The following MAST4 variants were observed in gnomAD, a reference collection of about 807,000 sequenced individuals.
The protein encoded by MAST4 is microtubule associated serine/threonine kinase family member 4.
MAST4 carries 89 observed loss-of-function variants against 162.7 expected under a neutral mutation model. The ratio of observed to expected loss-of-function variants is 0.55; its 90% confidence interval spans 0.46 to 0.65. MAST4 has a LOEUF of 0.65. MAST4 is among the 30% of genes least tolerant of loss of function. MAST4 has a pLI of 0.00. For synonymous variants in MAST4, 1,479 were observed against 1,361.1 expected, an observed-to-expected ratio of 1.09 and a Z score of -1.91; for missense variants, 3,153 against 3,374.0, an observed-to-expected ratio of 0.93 and a Z score of 1.62.
Position 67,102,749 on chromosome 5 carries a change from A to G in MAST4, c.1146+138A>G, listed in dbSNP as rs1765166101. On this transcript the variant is annotated intron_variant, in intron 9 of 28. Transcript: ENST00000403625. ...CATAAAACAGCTCCATAGTCTTCTT[A>G]GAAAGAGAAAATAACTAAAAAAAAA... 4.4e-6 allele frequency: 3 copies of G among 688,422 alleles called. No homozygotes were observed. In the South Asian group the frequency reaches 5.4e-5, roughly 12 times the overall value. 42.6% of individuals were successfully genotyped at this position (688,422 alleles called of 1,614,324 possible). A position where few individuals can be genotyped will look rare whatever the true frequency, so the allele number is the denominator to read the frequency against.
intron 3 of MAST4, among the ~76,000 whole-genome samples, chr5:66,824,704 G>T (rs1373328501): frequency 6.6e-6 from 1 of 152,226 alleles, no homozygotes; most frequent in East Asian, 1.9e-4. Context: ...TTTCATTGTT[G>T]TGTGAACATC....
chr5:66,912,760 A>G (rs1273577798), intron 4 of MAST4, among the ~76,000 whole-genome samples: 4 of 152,074 alleles, frequency 2.6e-5, no homozygotes, highest in Non-Finnish European at 4.4e-5. Flanking sequence ...TTGCTGAAAG[A>G]TGTTGGTTGG....
intron 3 of MAST4, among the ~76,000 whole-genome samples, chr5:66,880,109 GACTGAGGGCTTTGC>G (rs1761594787): frequency 6.6e-6 from 1 of 152,196 alleles, no homozygotes; most frequent in South Asian, 2.1e-4. Flanking sequence ...CTATGTAAAA[GACTGAGGGCTTTGC>G]ACTGATATAA....
At chr5:66,821,435 T>C (rs1756990908) in intron 3 of MAST4, among the ~76,000 whole-genome samples, 5 of 152,228 alleles carry the variant, frequency 3.3e-5, no homozygotes, top group African/African-American at 1.2e-4. Context: ...TAATATCTCC[T>C]GGTACTTTAA....
chr5:67,085,501 T>C (rs757211983), intron 5 of MAST4, among the ~76,000 whole-genome samples: 1 of 152,188 alleles, frequency 6.6e-6, no homozygotes, highest in Non-Finnish European at 1.5e-5. Context: ...CAGTGAGTAA[T>C]GGTGCTATAG....
chr5:66,715,166 C>G (rs759540318), intron 1 of MAST4, among the ~76,000 whole-genome samples: 3 of 152,188 alleles, frequency 2.0e-5, no homozygotes, highest in Non-Finnish European at 4.4e-5. Context: ...TCTCCCAAAT[C>G]TCATCATGTC....
intron 3 of MAST4, among the ~76,000 whole-genome samples, chr5:66,794,886 C>G (rs981813013): frequency 6.6e-6 from 1 of 152,018 alleles, no homozygotes; most frequent in African/African-American, 2.4e-5. Flanking sequence ...ATTCAAAGAG[C>G]CTTGATGAAT....
intron 4 of MAST4, among the ~76,000 whole-genome samples, chr5:66,947,756 A>G (rs1308521454): frequency 1.3e-5 from 2 of 152,132 alleles, no homozygotes; most frequent in Non-Finnish European, 2.9e-5. Flanking sequence ...CGGACCCCAC[A>G]GGAAAAGTAA....
intron 5 of MAST4, among the ~76,000 whole-genome samples, chr5:67,081,004 A>G (rs918180870): frequency 3.0e-5 from 4 of 132,164 alleles, no homozygotes; most frequent in Non-Finnish European, 4.6e-5. Context: ...ATATTATATA[A>G]TATAATATAT....
At chr5:67,008,588 T>G (rs111954603) in intron 4 of MAST4, among the ~76,000 whole-genome samples, 265 of 152,338 alleles carry the variant, frequency 1.7e-3, no homozygotes, top group African/African-American at 6.2e-3. Context: ...TTTAGAAATC[T>G]GTCATGTTTT....
chr5:66,890,568 T>C (rs1375511884), intron 3 of MAST4, among the ~76,000 whole-genome samples: 1 of 152,188 alleles, frequency 6.6e-6, no homozygotes, highest in Non-Finnish European at 1.5e-5. Context: ...AGGGCTTTGG[T>C]TCACATAAAA....
At chr5:66,795,540 T>C (rs1755607469) in intron 3 of MAST4, among the ~76,000 whole-genome samples, 1 of 152,254 alleles carries the variant, frequency 6.6e-6, no homozygotes, top group South Asian at 2.1e-4. Context: ...TATACCCTGG[T>C]CAGCAGTCAA....
intron 3 of MAST4, among the ~76,000 whole-genome samples, chr5:66,845,092 TATATATATATATA>T (rs1758728559): frequency 1.5e-5 from 1 of 66,130 alleles, no homozygotes; most frequent in African/African-American, 7.3e-5. Context: ...TCTTTATATA[TATATATATATATA>T]TATATATATA....
intron 3 of MAST4, among the ~76,000 whole-genome samples, chr5:66,845,097 A>ATG (rs1758730848): frequency 8.9e-6 from 1 of 112,018 alleles, no homozygotes; most frequent in South Asian, 3.2e-4. Flanking sequence ...ATATATATAT[A>ATG]TATATATATA....
chr5:66,844,049 C>G (rs80214471), intron 3 of MAST4, among the ~76,000 whole-genome samples: 1 of 151,686 alleles, frequency 6.6e-6, no homozygotes, highest in Admixed American at 6.6e-5. Flanking sequence ...TAGCCCTTCC[C>G]GTCATTGTCA....
At chr5:66,970,036 A>G (rs1747239495) in intron 4 of MAST4, among the ~76,000 whole-genome samples, 1 of 152,046 alleles carries the variant, frequency 6.6e-6, no homozygotes, top group Non-Finnish European at 1.5e-5. Context: ...TCATGCAGGC[A>G]CTCTTAGGAA....
Position 66,596,553 on chromosome 5 carries a change from A to G in MAST4, c.-103A>G, listed in dbSNP as rs1455284474. The G allele has an allele frequency of 1.6e-6, 2 of 1,248,140 alleles. No individual in the cohort carries two copies. Among genetic ancestry groups the G allele is most frequent in the South Asian group, 2.8e-5 (1 of 35,532 alleles). The allele number at this position is 1,248,140 out of a possible 1,614,324, so 77.3% of individuals were successfully genotyped here. ...GGGCTCCCTGCAGCCCGGGAGCGGC[A>G]GTGCCAGTGAGCCTGAGCCCAGGAG... is the stretch of plus-strand genomic sequence containing the variant. On this transcript the variant is annotated 5_prime_UTR_variant, in exon 1 of 29. Transcript: ENST00000403625.
At chr5:66,752,406 T>A (rs867774859) in intron 1 of MAST4, among the ~76,000 whole-genome samples, 1 of 148,286 alleles carries the variant, frequency 6.7e-6, no homozygotes, top group African/African-American at 2.5e-5. Flanking sequence ...ACCCATCTCA[T>A]GTGCAGAGAC....
chr5:66,646,501 A>G (rs1189668136), intron 1 of MAST4, among the ~76,000 whole-genome samples: 1 of 152,196 alleles, frequency 6.6e-6, no homozygotes, highest in Non-Finnish European at 1.5e-5. Flanking sequence ...ATTTCGGTTT[A>G]TGTAGTAATA....
Sources: gnomAD v4.1 joint callset for allele counts (sites outside exome capture counted in the v4.1 genomes callset) on GRCh38, gnomAD v4.1.1 for gene constraint, MANE v1.5 for transcripts, NCBI Gene and HGNC (gene_info 2026-07-23, HGNC 2026-07-21) for gene names.